The following UTRN variants were observed in gnomAD, a reference collection of about 807,000 sequenced individuals.
UTRN encodes the protein utrophin, also known as dystrophin-related protein 1.
UTRN carries 283 observed loss-of-function variants against 463.9 expected under a neutral mutation model. The observed-to-expected ratio is 0.61, with a 90% CI of 0.55 to 0.67. UTRN has a LOEUF of 0.67. Ranked by LOEUF, UTRN falls within the 30% of genes least tolerant of loss-of-function variation. UTRN has a pLI of 0.00. For synonymous variants in UTRN, 1,442 were observed against 1,431.5 expected (o/e 1.01, Z -0.17); for missense variants, 3,922 against 4,084.3 (o/e 0.96, Z 1.08).
intron 60 of UTRN, among the ~76,000 whole-genome samples, chr6:144,780,611 GT>G (rs1320667591): frequency 6.6e-6 from 1 of 152,046 alleles, no homozygotes; most frequent in African/African-American, 2.4e-5. Context: ...TTGTCTCTTT[GT>G]TTTCAGTTAG....
intron 27 of UTRN, among the ~76,000 whole-genome samples, chr6:144,483,867 T>C (rs1408814976): frequency 6.6e-6 from 1 of 152,210 alleles, no homozygotes; most frequent in African/African-American, 2.4e-5. Context: ...GAATCTGTGA[T>C]AGGAAGCAAA....
chr6:144,786,338 T>G (rs1435987513), intron 61 of UTRN, among the ~76,000 whole-genome samples: 2 of 152,174 alleles, frequency 1.3e-5, no homozygotes, highest in African/African-American at 4.8e-5. Flanking sequence ...CAGGCTGGAG[T>G]GCAGTGGCAT....
At chr6:144,402,869 T>G (rs1189420630) in intron 2 of UTRN, among the ~76,000 whole-genome samples, 1 of 152,112 alleles carries the variant, frequency 6.6e-6, no homozygotes, top group Non-Finnish European at 1.5e-5. Context: ...ATGGCAGGAC[T>G]CCGGGGTTTA....
intron 2 of UTRN, among the ~76,000 whole-genome samples, chr6:144,396,524 A>G (rs1782432000): frequency 6.6e-6 from 1 of 152,184 alleles, no homozygotes; most frequent in Admixed American, 6.5e-5. Context: ...AATCACAAAT[A>G]TTGTTATGTA....
At chr6:144,749,138 ATGGTTACCTCCCCTT>A (rs1791093441) in intron 55 of UTRN, among the ~76,000 whole-genome samples, 1 of 152,164 alleles carries the variant, frequency 6.6e-6, no homozygotes, top group Non-Finnish European at 1.5e-5. Context: ...TGTTAGACTT[ATGGTTACCTCCCCTT>A]TGGTTCCCAT....
chr6:144,522,975 A>G (rs750847096), intron 40 of UTRN, 41 bp from the exon 41 acceptor site: 1 of 1,431,552 alleles, frequency 7.0e-7, no homozygotes, highest in Non-Finnish European at 9.4e-7. Flanking sequence ...TTTTTTTGTT[A>G]CTTTGCTGGA....
At chr6:144,616,797 C>T (rs12200263) in intron 51 of UTRN, among the ~76,000 whole-genome samples, 21,724 of 152,040 alleles carry the variant, frequency 0.14, 2,033 homozygotes, top group South Asian at 0.31. Flanking sequence ...ATGCCAGTTC[C>T]GCTCTTATAA....
rs774496692 is a variant in UTRN at position 144,516,973 on chromosome 6, T to A, written c.5541+25T>A. On this transcript the variant is annotated intron_variant, in intron 39 of 74. Coordinates refer to ENST00000367545, the MANE Select transcript of UTRN (RefSeq NM_007124.3). ...GGTATTATGATTGGAGAGTCTCTGT[T>A]GCATTTAAATACCTTACTTAACTCT... 3.5e-6 allele frequency: 5 copies of A among 1,424,566 alleles called. No individual in the cohort carries two copies. In the Admixed American group the frequency reaches 1.4e-4, roughly 39 times the overall value. The allele number at this position is 1,424,566 out of a possible 1,614,324, so 88.2% of individuals were successfully genotyped here.
intron 1 of UTRN, among the ~76,000 whole-genome samples, chr6:144,289,412 A>G (rs1163513350): frequency 6.6e-6 from 1 of 152,184 alleles, no homozygotes; most frequent in East Asian, 1.9e-4. Context: ...TCCTGCATAT[A>G]ATATTACAAT....
At chr6:144,827,555 G>A (rs1014988842) in intron 67 of UTRN, 56 bp from the exon 68 acceptor site, 11 of 1,607,040 alleles carry the variant, frequency 6.8e-6, no homozygotes, top group East Asian at 4.5e-5. Context: ...ATTTCTAATA[G>A]TAACACCTAT....
chr6:144,481,793 C>G (rs761204445), intron 26 of UTRN, among the ~76,000 whole-genome samples: 1 of 152,250 alleles, frequency 6.6e-6, no homozygotes, highest in Non-Finnish European at 1.5e-5. Flanking sequence ...TGCAGTGGCT[C>G]ACGCCTCTAA....
Position 144,506,636 on chromosome 6 carries a change from G to T in UTRN, c.4765-4308G>T, listed in dbSNP as rs9496989. Among the ~76,000 whole-genome samples, 674 of 152,318 alleles carry T rather than the reference G, an allele frequency of 4.4e-3. 4 individuals are homozygous for T. The highest frequency in any genetic ancestry group is 0.016 in the African/African-American group (651 of 41,574). The stretch of plus-strand genomic sequence containing the variant: ...GTTTTCTGCAAAGAGATCTGCATTA[G>T]TCTGATGGGCTTCTCTTTGTGGGTA... On this transcript the variant is annotated intron_variant, in intron 34 of 74. Coordinates refer to ENST00000367545, the MANE Select transcript of UTRN (RefSeq NM_007124.3).
At chr6:144,707,221 A>AT (rs1020284762) in intron 53 of UTRN, among the ~76,000 whole-genome samples, 4 of 152,162 alleles carry the variant, frequency 2.6e-5, no homozygotes, top group African/African-American at 7.2e-5. Context: ...CATATCTAAG[A>AT]TTTTTTTCAC....
At chr6:144,648,768 TC>T (rs1484314892) in intron 51 of UTRN, among the ~76,000 whole-genome samples, 2 of 152,198 alleles carry the variant, frequency 1.3e-5, no homozygotes, top group African/African-American at 4.8e-5. Context: ...TGTGTAAAAG[TC>T]TGTCAAGATC....
At chr6:144,786,285 G>GTTTGTT (rs1324948446) in intron 61 of UTRN, among the ~76,000 whole-genome samples, 1 of 151,922 alleles carries the variant, frequency 6.6e-6, no homozygotes, top group Non-Finnish European at 1.5e-5. Context: ...CATCTTATTT[G>GTTTGTT]TTTGTTTTTG....
chr6:144,756,069 A>T (rs1791956085), intron 57 of UTRN, among the ~76,000 whole-genome samples: 1 of 152,102 alleles, frequency 6.6e-6, no homozygotes, highest in African/African-American at 2.4e-5. Flanking sequence ...TTCCTGGAAT[A>T]TACTGTGTAC....
At chr6:144,444,586 T>A (rs986533123) in intron 14 of UTRN, among the ~76,000 whole-genome samples, 7 of 152,244 alleles carry the variant, frequency 4.6e-5, no homozygotes, top group African/African-American at 1.7e-4. Flanking sequence ...CTCCATTAAT[T>A]TGACCTGTTT....
intron 51 of UTRN, among the ~76,000 whole-genome samples, chr6:144,609,487 T>C (rs1283506997): frequency 6.6e-6 from 1 of 152,144 alleles, no homozygotes; most frequent in African/African-American, 2.4e-5. Context: ...AGTGCTAAGA[T>C]AGCAAGGGAC....
At chr6:144,352,514 A>G (rs1778196465) in intron 2 of UTRN, among the ~76,000 whole-genome samples, 1 of 152,186 alleles carries the variant, frequency 6.6e-6, no homozygotes. Context: ...TTCATGTCCC[A>G]CGGGACATGT....
Sources: gnomAD v4.1 joint callset for allele counts (sites outside exome capture counted in the v4.1 genomes callset) on GRCh38, gnomAD v4.1.1 for gene constraint, MANE v1.5 for transcripts, NCBI Gene and HGNC (gene_info 2026-07-23, HGNC 2026-07-21) for gene names.